Variants in CTRB1 observed in about 807,000 individuals in gnomAD.
CTRB1 encodes the protein chymotrypsinogen B1.
A neutral mutation model predicts 20.4 loss-of-function variants in CTRB1; 15 were observed. That is an observed-to-expected ratio of 0.74 (90% CI 0.49 to 1.13). The LOEUF (loss-of-function observed/expected upper bound fraction) is 1.13. CTRB1 is among the 50% of genes most tolerant of loss of function. The pLI is 0.00. For missense variants in CTRB1, 227 were observed against 290.1 expected (o/e 0.78, Z 1.58); for synonymous variants, 92 against 128.4 (o/e 0.72, Z 1.92).
At position 75,222,765 on chromosome 16, in the gene CTRB1, C is replaced by T. The variant is rs576908589; in HGVS notation, c.53-3C>T. On this transcript the variant is annotated splice_polypyrimidine_tract_variant and splice_region_variant and intron_variant, in intron 1 of 6. Coordinates refer to ENST00000361017, the MANE Select transcript of CTRB1 (RefSeq NM_001906.6). ...AGCCCTTATTCACCCCACTCCCCCC[C>T]AGGCTGCGGGGTCCCCGCCATCCAC... 51 of 1,557,130 alleles carry T rather than the reference C, an allele frequency of 3.3e-5. No individual in the cohort carries two copies. Among genetic ancestry groups the T allele is most frequent in the Middle Eastern group, 1.7e-4 (1 of 5,918 alleles).
At chr16:75,220,217 C>G (rs953243679) in intron 1 of CTRB1, among the ~76,000 whole-genome samples, 1 of 151,270 alleles carries the variant, frequency 6.6e-6, no homozygotes, top group Non-Finnish European at 1.5e-5. Flanking sequence ...GAGTTTCACT[C>G]TTGTCACCCA....
intron 1 of CTRB1, 31 bp from the exon 2 acceptor site, chr16:75,222,737 C>A: frequency 6.5e-7 from 1 of 1,545,328 alleles, no homozygotes; most frequent in Admixed American, 2.0e-5. Context: ...GGTTTGGGGC[C>A]TCAGCCCTTA....
chr16:75,222,235 G>A (rs79652710), intron 1 of CTRB1, among the ~76,000 whole-genome samples: 24 of 151,920 alleles, frequency 1.6e-4, no homozygotes, highest in Non-Finnish European at 3.2e-4. Context: ...CCCACCCAGG[G>A]TCCACGGTGC....
chr16:75,220,137 T>C (rs2039061754), intron 1 of CTRB1, among the ~76,000 whole-genome samples: 3 of 137,712 alleles, frequency 2.2e-5, no homozygotes. Flanking sequence ...GCACGCTAAG[T>C]TTAAAAACTT....
chr16:75,224,330 A>T, intron 6 of CTRB1, 142 bp downstream of exon 6: 2 of 1,448,538 alleles, frequency 1.4e-6, no homozygotes, highest in South Asian at 2.6e-5. Context: ...TCCATGGCCA[A>T]TGTCAGAGCC....
rs560418978 is a variant in CTRB1 at position 75,221,608 on chromosome 16, G to A, written c.53-1160G>A. Reference sequence around the variant, plus strand: ...TTCCCAACCTCAGGTGATCCACCCCGCTTGGCCTCTCAAAGTGTTAGGATT... The same window carrying A: ...TTCCCAACCTCAGGTGATCCACCCCACTTGGCCTCTCAAAGTGTTAGGATT... On this transcript the variant is annotated intron_variant, in intron 1 of 6. Transcript: ENST00000361017. Among the ~76,000 whole-genome samples, 14 of 151,940 alleles carry A rather than the reference G, an allele frequency of 9.2e-5. No individual in the cohort carries two copies. The East Asian group carries it at 2.8e-3, about 30-fold the overall frequency.
At chr16:75,224,594 C>A (rs1231769583) in intron 6 of CTRB1, 111 bp from the exon 7 acceptor site, 5 of 1,256,762 alleles carry the variant, frequency 4.0e-6, no homozygotes, top group Non-Finnish European at 5.5e-6. Flanking sequence ...ACATGCTGAG[C>A]CTTTGCTGTG....
chr16:75,219,039 C>G lies in CTRB1; in HGVS notation c.32C>G (p.Ser11Cys). 3 of 1,593,858 alleles carry G rather than the reference C, an allele frequency of 1.9e-6. No individual in the cohort carries two copies. The highest frequency in any genetic ancestry group is 2.6e-6 in the Non-Finnish European group (3 of 1,171,560). Residue 11 changes from serine to cysteine, a missense_variant, in exon 1 of 7, where the codon TCC becomes TGC. Ser to Cys is a moderately radical substitution (Grantham distance 112). Coordinates refer to ENST00000361017, the MANE Select transcript of CTRB1 (RefSeq NM_001906.6). MASLWLLSCF[S>C]LVGAAFGCGV... ...TCCCTCTGGCTCCTCTCCTGCTTCT[C>G]CCTTGTGGGGGCCGCCTTTGGTGAG...
chr16:75,222,634 C>T lies in CTRB1; in HGVS notation c.53-134C>T, dbSNP rs111395330. ...CCTAGAGACTTGGGGACCAGGGAGG[C>T]GGAGGCGGCATGTGCCAGGGAGGTC... On this transcript the variant is annotated intron_variant, in intron 1 of 6. Coordinates refer to ENST00000361017, the MANE Select transcript of CTRB1 (RefSeq NM_001906.6). 2,073 of 928,078 alleles carry T rather than the reference C, an allele frequency of 2.2e-3. 25 individuals are homozygous for T. The African/African-American group carries it at 0.029, about 13-fold the overall frequency. The allele number at this position is 928,078 out of a possible 1,614,324, so 57.5% of individuals were successfully genotyped here. A position where few individuals can be genotyped will look rare whatever the true frequency, so the allele number is the denominator to read the frequency against.
rs936748347 is a variant in CTRB1, at chr16:75,222,641, G to A, written c.53-127G>A. ...ACTTGGGGACCAGGGAGGCGGAGGC[G>A]GCATGTGCCAGGGAGGTCCTGAGCT... On this transcript the variant is annotated intron_variant, in intron 1 of 6. Transcript: ENST00000361017. 55 of 1,008,324 alleles carry A rather than the reference G, an allele frequency of 5.5e-5. 2 individuals are homozygous for A. Among genetic ancestry groups the A allele is most frequent in the South Asian group, 3.2e-4 (19 of 58,922 alleles). The allele number at this position is 1,008,324 out of a possible 1,614,324, so 62.5% of individuals were successfully genotyped here.
At chr16:75,222,670 T>C (rs1401927475) in intron 1 of CTRB1, 98 bp from the exon 2 acceptor site, 12 of 1,356,400 alleles carry the variant, frequency 8.8e-6, no homozygotes, top group Non-Finnish European at 1.2e-5. Flanking sequence ...CTGAGCTGGC[T>C]TCAGTGGACT....
rs182008799 is a variant in CTRB1 at position 75,224,870 on chromosome 16, C to T, written c.*4C>T. 107 of 1,613,530 alleles carry T rather than the reference C, an allele frequency of 6.6e-5. No homozygotes were observed. In the East Asian group the frequency reaches 2.1e-3, roughly 32 times the overall value. Reference sequence around the variant, plus strand: ...GAAGATCCTGGCTGCCAACTGAGCCCGCGGCTCCCTCCGACCCTGCTCCCC... The same window carrying T: ...GAAGATCCTGGCTGCCAACTGAGCCTGCGGCTCCCTCCGACCCTGCTCCCC... On this transcript the variant is annotated 3_prime_UTR_variant, in exon 7 of 7. Transcript: ENST00000361017.
At chr16:75,222,388 C>T (rs999215938) in intron 1 of CTRB1, among the ~76,000 whole-genome samples, 1 of 152,146 alleles carries the variant, frequency 6.6e-6, no homozygotes, top group African/African-American at 2.4e-5. Context: ...TTCTGCTGCC[C>T]TTTTTATAGC....
Position 75,224,094 on chromosome 16 carries a change from C to T in CTRB1, c.536C>T (p.Pro179Leu), listed in dbSNP as rs1486571316. 1.4e-5 allele frequency: 18 copies of T among 1,272,396 alleles called. No homozygotes were observed. The highest frequency in any genetic ancestry group is 2.0e-5 in the Non-Finnish European group (18 of 914,440). The allele number at this position is 1,272,396 out of a possible 1,614,324, so 78.8% of individuals were successfully genotyped here. ...GACAAGCTGCAGCAGGCAGCCCTGC[C>T]CCTCCTGTCCAATGCCGAATGCAAG... ...TPDKLQQAAL[P>L]LLSNAECKKS... The change falls in exon 6 of 7, where the codon CCC becomes CTC. Residue 179 changes from proline to leucine, a missense_variant. By Grantham distance (98) the Pro-to-Leu change is moderately conservative. This residue lies in a region of CTRB1 where 36 missense variants were observed against 51.6 expected (regional missense o/e 0.70). Coordinates refer to ENST00000361017, the MANE Select transcript of CTRB1 (RefSeq NM_001906.6).
intron 1 of CTRB1, among the ~76,000 whole-genome samples, chr16:75,220,185 T>C (rs1377796894): frequency 6.6e-6 from 1 of 151,344 alleles, no homozygotes; most frequent in Non-Finnish European, 1.5e-5. Flanking sequence ...TTTTGTTATT[T>C]TTTTTTCTTT....
Position 75,224,164 on chromosome 16 carries a change from G to A in CTRB1, c.606G>A (p.Gly202=), listed in dbSNP as rs892058084. The part of the protein sequence containing the change: ...RRITDVMICA[G]ASGVSSCMGD... The stretch of plus-strand genomic sequence containing the variant: ...TCACCGACGTGATGATCTGTGCCGG[G>A]GCCAGTGGCGTCTCCTCCTGCATGG... Residue 202 remains glycine (G), a synonymous_variant, in exon 6 of 7, where the codon GGG becomes GGA. Transcript: ENST00000361017. The A allele has an allele frequency of 1.3e-6, 2 of 1,490,748 alleles. No individual in the cohort carries two copies. The highest frequency in any genetic ancestry group is 1.4e-5 in the African/African-American group (1 of 70,216). The allele number at this position is 1,490,748 out of a possible 1,614,324, so 92.3% of individuals were successfully genotyped here.
chr16:75,222,447 G>A (rs911082900), intron 1 of CTRB1, among the ~76,000 whole-genome samples: 8 of 152,194 alleles, frequency 5.3e-5, no homozygotes, highest in East Asian at 1.9e-4. Context: ...AGGGTCACAC[G>A]GCAAGGAAAG....
intron 1 of CTRB1, among the ~76,000 whole-genome samples, chr16:75,220,201 G>C (rs1210078064): frequency 1.3e-5 from 2 of 149,902 alleles, no homozygotes; most frequent in Non-Finnish European, 3.0e-5. Context: ...TCTTTTCTTT[G>C]AGACAGAGTT....
intron 1 of CTRB1, chr16:75,222,469 G>T (rs576713622): frequency 4.5e-5 from 22 of 484,276 alleles, no homozygotes; most frequent in African/African-American, 4.3e-4. Context: ...GTGTCCTCGA[G>T]GCTGAGCCCA....
Sources: allele counts gnomAD v4.1 joint callset (sites outside exome capture counted in the v4.1 genomes callset), GRCh38; gene constraint gnomAD v4.1.1; regional missense constraint gnomAD v4.1.1; transcripts MANE v1.5; gene names NCBI Gene and HGNC (gene_info 2026-07-23, HGNC 2026-07-21).